Variants in SBF2 observed in about 807,000 individuals in gnomAD.
SBF2 encodes the protein SET binding factor 2.
In SBF2, 112 loss-of-function variants were observed where a neutral mutation model predicts 225.2. The ratio of observed to expected loss-of-function variants is 0.50; its 90% CI spans 0.43 to 0.58. The LOEUF (loss-of-function observed/expected upper bound fraction) is 0.58. Among genes scored for constraint, SBF2 ranks in the 20% least tolerant of loss-of-function variants. The pLI, the probability that SBF2 is intolerant of heterozygous loss-of-function variation, is 0.00. For synonymous variants in SBF2, 763 were observed against 773.3 expected (o/e 0.99, Z 0.22); for missense variants, 1,996 against 2,206.2 (o/e 0.90, Z 1.91).
chr11:9,926,652 C>T lies in SBF2; in HGVS notation c.1861-30641G>A, dbSNP rs539736958. On this transcript the variant is annotated intron_variant, in intron 16 of 39. Coordinates refer to ENST00000256190, the MANE Select transcript of SBF2 (RefSeq NM_030962.4). Reference sequence around the variant, plus strand: ...ATAACATAATTCTAAATAACCTAAGCGTTCAAAGAAGAAATCAAAAGGGAA... The same window carrying T: ...ATAACATAATTCTAAATAACCTAAGTGTTCAAAGAAGAAATCAAAAGGGAA... Among the ~76,000 whole-genome samples the T allele has an allele frequency of 7.2e-5, 11 of 151,748 alleles. No individual in the cohort carries two copies. In the South Asian group the frequency reaches 1.7e-3, roughly 23 times the overall value.
chr11:10,128,709 A>C (rs960004748), intron 2 of SBF2, among the ~76,000 whole-genome samples: 1 of 152,254 alleles, frequency 6.6e-6, no homozygotes, highest in Non-Finnish European at 1.5e-5. Flanking sequence ...TGAAAATGAG[A>C]AACAGTATAC....
intron 17 of SBF2, among the ~76,000 whole-genome samples, chr11:9,880,269 T>C (rs1484585695): frequency 1.3e-5 from 2 of 152,144 alleles, no homozygotes; most frequent in Admixed American, 6.6e-5. Flanking sequence ...GCTGAGTATG[T>C]GTTTTGTTTT....
chr11:10,048,250 C>A (rs1012121271), intron 2 of SBF2, among the ~76,000 whole-genome samples: 1 of 152,080 alleles, frequency 6.6e-6, no homozygotes, highest in Non-Finnish European at 1.5e-5. Context: ...AATTCCATAA[C>A]CCTATATCTC....
intron 2 of SBF2, among the ~76,000 whole-genome samples, chr11:10,079,196 C>T (rs2058780644): frequency 6.6e-6 from 1 of 152,088 alleles, no homozygotes; most frequent in Non-Finnish European, 1.5e-5. Flanking sequence ...CGCCGTAATT[C>T]TATAGCGATG....
chr11:9,964,189 C>T lies in SBF2; in HGVS notation c.1601-307G>A, dbSNP rs72855678. 0.11 allele frequency among the ~76,000 whole-genome samples: 16,878 copies of T among 152,156 alleles called. 1,069 individuals carry two copies. Among genetic ancestry groups the T allele is most frequent in the East Asian group, 0.3 (1,554 of 5,160 alleles). On this transcript the variant is annotated intron_variant, in intron 14 of 39. Transcript: ENST00000256190. ...ACTTGAGCCCAGGAGTCCAAGTCTG[C>T]GGTGAGCTAGGACAGCACTACTGAA...
At position 10,137,000 on chromosome 11, in the gene SBF2, T is replaced by A. The variant is rs1334487115; in HGVS notation, c.141+56902A>T. On this transcript the variant is annotated intron_variant, in intron 2 of 39. Coordinates refer to ENST00000256190, the MANE Select transcript of SBF2 (RefSeq NM_030962.4). ...TGTTAAACCTGTGTATCAACTTGAG[T>A]GGAATTAGCATCTTTACTGTATTGA... Among the ~76,000 whole-genome samples, 6 of 152,300 alleles carry A rather than the reference T, an allele frequency of 3.9e-5. No individual in the cohort carries two copies. The East Asian group carries it at 1.2e-3, about 29-fold the overall frequency.
intron 2 of SBF2, among the ~76,000 whole-genome samples, chr11:10,155,240 T>C (rs1241027587): frequency 6.6e-6 from 1 of 152,064 alleles, no homozygotes; most frequent in Non-Finnish European, 1.5e-5. Flanking sequence ...TGGTTGCATT[T>C]AGTCCACAAT....
intron 9 of SBF2, 144 bp downstream of exon 9, chr11:9,998,121 CT>C (rs1362418113): frequency 1.6e-6 from 1 of 622,062 alleles, no homozygotes; most frequent in African/African-American, 1.8e-5. Context: ...ATTCTAAATA[CT>C]GTATGAGATT....
chr11:10,153,790 T>C (rs1441162997), intron 2 of SBF2, among the ~76,000 whole-genome samples: 1 of 151,778 alleles, frequency 6.6e-6, no homozygotes, highest in Non-Finnish European at 1.5e-5. Flanking sequence ...AAGAAGGAAG[T>C]TTTATAATTT....
At position 9,961,945 on chromosome 11, in the gene SBF2, A is replaced by G. The variant is rs375954445; in HGVS notation, c.1860+12T>C. 29 of 1,607,364 alleles carry G rather than the reference A, an allele frequency of 1.8e-5. No individual in the cohort carries two copies. The highest frequency in any genetic ancestry group is 2.5e-5 in the Non-Finnish European group (29 of 1,175,188). ...CAAATAAGAGGAATAATCTGAAAGAACTACAAATTACCTGTAGAGTACAAT... is the reference window on the plus strand; with the variant it reads ...CAAATAAGAGGAATAATCTGAAAGAGCTACAAATTACCTGTAGAGTACAAT... On this transcript the variant is annotated intron_variant, in intron 16 of 39. Transcript: ENST00000256190.
intron 2 of SBF2, among the ~76,000 whole-genome samples, chr11:10,117,915 T>G (rs577590392): frequency 6.6e-6 from 1 of 152,174 alleles, no homozygotes; most frequent in Non-Finnish European, 1.5e-5. Flanking sequence ...GGTCAAAAGT[T>G]CTTTCTCTGG....
intron 1 of SBF2, among the ~76,000 whole-genome samples, chr11:10,281,534 G>A (rs369251068): frequency 2.0e-5 from 3 of 152,090 alleles, no homozygotes; most frequent in Non-Finnish European, 4.4e-5. Flanking sequence ...GAGAAGAATC[G>A]CCATGGAGGA....
Position 9,846,937 on chromosome 11 carries a change from T to A in SBF2, c.2934+19A>T. ...TGAAAATTTTTGAATAGTAAAACAA[T>A]GGCTTCCTTTTTTAATACCTGAAAA... is the stretch of plus-strand genomic sequence containing the variant. On this transcript the variant is annotated intron_variant, in intron 23 of 39. Coordinates refer to ENST00000256190, the MANE Select transcript of SBF2 (RefSeq NM_030962.4). 1 of 1,613,476 alleles carries A rather than the reference T, an allele frequency of 6.2e-7. No homozygotes were observed. The highest frequency in any genetic ancestry group is 8.5e-7 in the Non-Finnish European group (1 of 1,179,460).
intron 16 of SBF2, chr11:9,960,467 C>T (rs1866491841): frequency 6.6e-6 from 1 of 152,030 alleles, no homozygotes. Flanking sequence ...GGTATCTATG[C>T]ATTTTTTGTA....
At chr11:10,183,549 TTTTACA>T (rs146701713) in intron 2 of SBF2, among the ~76,000 whole-genome samples, 8,124 of 152,296 alleles carry the variant, frequency 0.053, 292 homozygotes, top group Middle Eastern at 0.14. Flanking sequence ...TAGTGTTAGC[TTTTACA>T]TTTAGACTAT....
At position 9,850,350 on chromosome 11, in the gene SBF2, G is replaced by A. The variant is rs556600057; in HGVS notation, c.2611-132C>T. The A allele has an allele frequency of 8.5e-6, 7 of 822,760 alleles. No individual in the cohort carries two copies. In the Admixed American group the frequency reaches 1.4e-4, roughly 16 times the overall value. 51.0% of individuals were successfully genotyped at this position (822,760 alleles called of 1,614,324 possible). ...AGTTCACTGCAGCATCAAACTCCTGGGCTCAAAAGATCCTCTGACCTCAGC... is the reference window on the plus strand; with the variant it reads ...AGTTCACTGCAGCATCAAACTCCTGAGCTCAAAAGATCCTCTGACCTCAGC... On this transcript the variant is annotated intron_variant, in intron 21 of 39. Transcript: ENST00000256190.
chr11:10,045,970 AAAAG>A (rs1389957399), intron 2 of SBF2, among the ~76,000 whole-genome samples: 1 of 152,230 alleles, frequency 6.6e-6, no homozygotes, highest in Non-Finnish European at 1.5e-5. Context: ...ATTTGAAAAA[AAAAG>A]AAAAATAACA....
intron 18 of SBF2, 31 bp from the exon 19 acceptor site, chr11:9,856,751 G>A (rs1422719327): frequency 6.6e-7 from 1 of 1,524,688 alleles, no homozygotes; most frequent in South Asian, 1.1e-5. Flanking sequence ...ATCCAAAAGA[G>A]AACCATCACT....
chr11:10,002,083 G>A (rs1947990760), intron 7 of SBF2, among the ~76,000 whole-genome samples: 1 of 151,940 alleles, frequency 6.6e-6, no homozygotes, highest in Admixed American at 6.6e-5. Context: ...TCAACTTTGA[G>A]AATTACCAGT....
Sources: gnomAD v4.1 joint callset for allele counts (sites outside exome capture counted in the v4.1 genomes callset) on GRCh38, gnomAD v4.1.1 for gene constraint, MANE v1.5 for transcripts, NCBI Gene and HGNC (gene_info 2026-07-23, HGNC 2026-07-21) for gene names.